Variants in COL25A1 observed in about 807,000 individuals in gnomAD.
The protein encoded by COL25A1 is collagen alpha-1(XXV) chain.
A neutral mutation model predicts 128.4 loss-of-function variants in COL25A1; 103 were observed. The observed-to-expected ratio is 0.80, with a 90% CI of 0.68 to 0.94. The LOEUF (loss-of-function observed/expected upper bound fraction) is 0.94. Among genes scored for constraint, COL25A1 ranks in the 40% least tolerant of loss-of-function variants. COL25A1 has a pLI of 0.00. For synonymous variants in COL25A1, 279 were observed against 277.2 expected (o/e 1.01, Z -0.06); for missense variants, 745 against 840.0 (o/e 0.89, Z 1.40).
At chr4:108,938,156 G>A (rs1747661387) in intron 10 of COL25A1, among the ~76,000 whole-genome samples, 1 of 152,160 alleles carries the variant, frequency 6.6e-6, no homozygotes, top group Non-Finnish European at 1.5e-5. Flanking sequence ...TAGTGCAGGT[G>A]TTTAATAAAA....
intron 8 of COL25A1, among the ~76,000 whole-genome samples, chr4:108,950,155 G>A (rs1360613780): frequency 6.6e-6 from 1 of 152,112 alleles, no homozygotes; most frequent in Non-Finnish European, 1.5e-5. Flanking sequence ...GGGCCTCAGA[G>A]GAGGCATGAG....
chr4:108,909,876 G>A (rs1744005020), intron 13 of COL25A1, among the ~76,000 whole-genome samples: 1 of 152,084 alleles, frequency 6.6e-6, no homozygotes, highest in African/African-American at 2.4e-5. Context: ...GTTCTCTCTA[G>A]GAGGTGCCTT....
In COL25A1 at chr4:108,832,424, C is replaced by T; in HGVS notation, c.1666G>A (p.Gly556Ser). Residue 556 changes from glycine (G) to serine (S), a missense_variant, in exon 32 of 38, where the codon GGT (glycine) becomes AGT (serine). Around this residue, in one of 3 missense-constraint regions of COL25A1, gnomAD observed 387 missense variants for 441.9 expected, o/e 0.88. Transcript: ENST00000399132. Reference sequence around the variant, plus strand: ...GCAGGGCCATGGGGTCCCATAGGACCATCTGTACCCTAAAAAAAAGATAAT... The same window carrying T: ...GCAGGGCCATGGGGTCCCATAGGACTATCTGTACCCTAAAAAAAAGATAAT... ...HGLPGPKGTD[G>S]PMGPHGPAGP... 6.2e-7 allele frequency: 1 copy of T among 1,602,284 alleles called. No homozygotes were observed. The highest frequency in any genetic ancestry group is 8.5e-7 in the Non-Finnish European group (1 of 1,173,108).
At chr4:109,192,611 T>C (rs1320785263) in intron 3 of COL25A1, among the ~76,000 whole-genome samples, 1 of 151,980 alleles carries the variant, frequency 6.6e-6, no homozygotes, top group Non-Finnish European at 1.5e-5. Context: ...TCCCAGCACT[T>C]TGGGAGGTCG....
At chr4:108,842,423 TAA>T (rs1734556786) in intron 30 of COL25A1, among the ~76,000 whole-genome samples, 2 of 152,206 alleles carry the variant, frequency 1.3e-5, no homozygotes, top group African/African-American at 4.8e-5. Flanking sequence ...GTAGAAAATC[TAA>T]ATATACAGAC....
chr4:109,104,401 ACTCT>A (rs112054758), intron 3 of COL25A1, among the ~76,000 whole-genome samples: 22 of 149,976 alleles, frequency 1.5e-4, no homozygotes, highest in African/African-American at 5.1e-4. Flanking sequence ...AAAGGAAATC[ACTCT>A]CTCTCTCTCT....
In COL25A1 at chr4:108,811,375, C is replaced by T. The variant is rs563165259; in HGVS notation, c.*2552G>A. 6.6e-6 allele frequency: 1 copy of T among 152,124 alleles called. No homozygotes were observed. The highest frequency in any genetic ancestry group is 1.9e-4 in the East Asian group (1 of 5,190). 9.4% of individuals were successfully genotyped at this position (152,124 alleles called of 1,614,324 possible). A position where few individuals can be genotyped will look rare whatever the true frequency, so the allele number is the denominator to read the frequency against. On this transcript the variant is annotated 3_prime_UTR_variant, in exon 38 of 38. Transcript: ENST00000399132. The stretch of plus-strand genomic sequence containing the variant: ...TGTCAAATCAGTTATAGAGCAAAAA[C>T]TCAATATACACACAGGACAGAATAG...
chr4:109,065,220 A>G (rs1275466109), intron 3 of COL25A1, among the ~76,000 whole-genome samples: 1 of 152,208 alleles, frequency 6.6e-6, no homozygotes, highest in Non-Finnish European at 1.5e-5. Flanking sequence ...CTGCCCAAGT[A>G]CACGCAATCA....
At chr4:109,156,805 A>G (rs1772080705) in intron 3 of COL25A1, among the ~76,000 whole-genome samples, 1 of 152,218 alleles carries the variant, frequency 6.6e-6, no homozygotes, top group Admixed American at 6.5e-5. Flanking sequence ...TGCACTCCAC[A>G]GAGTCATTTA....
chr4:108,983,990 AC>A (rs1441826281), intron 6 of COL25A1, among the ~76,000 whole-genome samples: 1 of 152,094 alleles, frequency 6.6e-6, no homozygotes, highest in Non-Finnish European at 1.5e-5. Context: ...GGCCCCACCC[AC>A]ATCCTGCTGA....
intron 3 of COL25A1, among the ~76,000 whole-genome samples, chr4:109,137,388 T>C (rs962594083): frequency 1.3e-5 from 2 of 152,230 alleles, no homozygotes; most frequent in African/African-American, 4.8e-5. Flanking sequence ...ATAAAACTTG[T>C]ACCTCACTCC....
At chr4:108,982,149 G>A (rs559694789) in intron 6 of COL25A1, among the ~76,000 whole-genome samples, 4 of 152,166 alleles carry the variant, frequency 2.6e-5, no homozygotes, top group Non-Finnish European at 4.4e-5. Flanking sequence ...AGCTGAGATC[G>A]TGCCACTGCA....
intron 20 of COL25A1, among the ~76,000 whole-genome samples, chr4:108,865,660 C>T (rs968524901): frequency 6.6e-6 from 1 of 152,144 alleles, no homozygotes; most frequent in African/African-American, 2.4e-5. Flanking sequence ...TTAAGAATTA[C>T]AGAATTCTAA....
chr4:109,279,493 T>C, intron 3 of COL25A1, among the ~76,000 whole-genome samples: 1 of 152,056 alleles, frequency 6.6e-6, no homozygotes, highest in East Asian at 1.9e-4. Flanking sequence ...TGAGAATCGC[T>C]TGGGTCCAGG....
intron 18 of COL25A1, among the ~76,000 whole-genome samples, chr4:108,888,155 A>G (rs1383522890): frequency 2.6e-5 from 4 of 152,162 alleles, no homozygotes; most frequent in African/African-American, 9.7e-5. Flanking sequence ...CTGTTTTTAA[A>G]TTAGAGAAAT....
At chr4:109,150,077 G>C (rs966227035) in intron 3 of COL25A1, among the ~76,000 whole-genome samples, 1 of 151,392 alleles carries the variant, frequency 6.6e-6, no homozygotes, top group Non-Finnish European at 1.5e-5. Context: ...GTGTATGTGT[G>C]TTTGTATGTC....
chr4:108,982,128 A>G (rs1560968493), intron 6 of COL25A1, among the ~76,000 whole-genome samples: 1 of 152,226 alleles, frequency 6.6e-6, no homozygotes, highest in Non-Finnish European at 1.5e-5. Flanking sequence ...GAAGAGGCGG[A>G]GCTTGCAGTG....
At chr4:109,267,705 G>C (rs973022098) in intron 3 of COL25A1, among the ~76,000 whole-genome samples, 2 of 152,036 alleles carry the variant, frequency 1.3e-5, no homozygotes, top group Non-Finnish European at 1.5e-5. Flanking sequence ...ATGTCCAAAA[G>C]AAACACTCTG....
At chr4:108,814,854 C>T (rs995267765) in intron 37 of COL25A1, among the ~76,000 whole-genome samples, 2 of 152,124 alleles carry the variant, frequency 1.3e-5, no homozygotes, top group Non-Finnish European at 2.9e-5. Flanking sequence ...AGGAGAATAA[C>T]GGAGGTCTCT....
Sources: gnomAD v4.1 joint callset for allele counts (sites outside exome capture counted in the v4.1 genomes callset) on GRCh38, gnomAD v4.1.1 for gene constraint, gnomAD v4.1.1 regional missense constraint, MANE v1.5 for transcripts, NCBI Gene and HGNC (gene_info 2026-07-23, HGNC 2026-07-21) for gene names.